Variants in BICRA observed in about 807,000 individuals in gnomAD.
BICRA encodes BRD4-interacting chromatin-remodeling complex-associated protein.
In BICRA, 31 loss-of-function variants were observed where a neutral mutation model predicts 96.9. The ratio of observed to expected loss-of-function variants is 0.32; its 90% CI spans 0.24 to 0.43. The LOEUF is 0.43. Among genes scored for constraint, BICRA ranks in the 20% least tolerant of loss-of-function variants. The pLI, the probability that BICRA is intolerant of heterozygous loss-of-function variation, is 1.00. For synonymous variants in BICRA, 1,350 were observed against 1,071.8 expected, an observed-to-expected ratio of 1.26 and a Z score of -5.07; for missense variants, 2,283 against 2,190.3, an observed-to-expected ratio of 1.04 and a Z score of -0.84.
At chr19:47,688,564 G>A (rs1232675846) in intron 7 of BICRA, among the ~76,000 whole-genome samples, 1 of 152,062 alleles carries the variant, frequency 6.6e-6, no homozygotes, top group Non-Finnish European at 1.5e-5. Context: ...GCCGAGTTGG[G>A]TGGATCACGA....
intron 1 of BICRA, among the ~76,000 whole-genome samples, chr19:47,653,827 C>T (rs773821369): frequency 1.3e-5 from 2 of 152,078 alleles, no homozygotes; most frequent in Non-Finnish European, 2.9e-5. Context: ...CACAGGCCAG[C>T]CTTTGTTTTG....
chr19:47,697,112 T>C (rs556605353), intron 11 of BICRA, among the ~76,000 whole-genome samples: 2 of 152,152 alleles, frequency 1.3e-5, no homozygotes, highest in South Asian at 4.2e-4. Context: ...GTTCATGTGA[T>C]TCTCCTGCCC....
In BICRA at chr19:47,680,539, A is replaced by G. The variant is rs537178919; in HGVS notation, c.1369A>G (p.Ser457Gly). The G allele has an allele frequency of 2.6e-6, 4 of 1,565,238 alleles. No homozygotes were observed. In the Admixed American group the frequency reaches 7.6e-5, roughly 30 times the overall value. Residue 457 changes from serine (S) to glycine (G), a missense_variant, in exon 6 of 15, where the codon AGC (serine) becomes GGC (glycine). By Grantham distance (56) the Ser-to-Gly change is moderately conservative. Coordinates refer to ENST00000594866, the MANE Select transcript of BICRA (RefSeq NM_001394372.1). The stretch of plus-strand genomic sequence containing the variant: ...CGTCCACCTCCTGAACCAAGGCAGC[A>G]GCATCGTCATCCCCGCCCAGCACAT... Reference protein sequence around the residue: ...MSVHLLNQGSSIVIPAQHMLP... With the variant: ...MSVHLLNQGSGIVIPAQHMLP...
intron 1 of BICRA, among the ~76,000 whole-genome samples, chr19:47,656,677 G>A (rs147655944): frequency 5.3e-5 from 8 of 152,196 alleles, no homozygotes; most frequent in African/African-American, 1.7e-4. Flanking sequence ...ACTGAAGCGC[G>A]CAGCTTGATG....
At chr19:47,663,060 C>T (rs1481419258) in intron 1 of BICRA, 1 of 152,204 alleles carries the variant, frequency 6.6e-6, no homozygotes, top group African/African-American at 2.4e-5. Flanking sequence ...TAAGGATTAA[C>T]AAGTTTGGAG....
At position 47,624,848 on chromosome 19, in the gene BICRA, C is replaced by G. The variant is rs148957128; in HGVS notation, c.-108+15680C>G. Reference sequence around the variant, plus strand: ...AGTTGGGACCGCAGGCATGTGCCACCATACCTGGCTGATTTTTTAAGTTTT... The same window carrying G: ...AGTTGGGACCGCAGGCATGTGCCACGATACCTGGCTGATTTTTTAAGTTTT... On this transcript the variant is annotated intron_variant, in intron 1 of 14. Coordinates refer to ENST00000594866, the MANE Select transcript of BICRA (RefSeq NM_001394372.1). Among the ~76,000 whole-genome samples the G allele has an allele frequency of 1.7e-3, 266 of 152,150 alleles. 3 individuals are homozygous for G. The highest frequency in any genetic ancestry group is 3.4e-3 in the Middle Eastern group (1 of 294).
chr19:47,617,502 T>TA (rs1220002941), intron 1 of BICRA, among the ~76,000 whole-genome samples: 3 of 152,030 alleles, frequency 2.0e-5, no homozygotes, highest in Admixed American at 6.6e-5. Flanking sequence ...TAGCTGGAAT[T>TA]ACAGGTGCCT....
chr19:47,695,096 C>T lies in BICRA; in HGVS notation c.3076+16C>T. 1 of 1,478,242 alleles carries T rather than the reference C, an allele frequency of 6.8e-7. No homozygotes were observed. Among genetic ancestry groups the T allele is most frequent in the Non-Finnish European group, 8.9e-7 (1 of 1,118,266 alleles). The allele number at this position is 1,478,242 out of a possible 1,614,324, so 91.6% of individuals were successfully genotyped here. A position where few individuals can be genotyped will look rare whatever the true frequency, so the allele number is the denominator to read the frequency against. On this transcript the variant is annotated intron_variant, in intron 9 of 14. Transcript: ENST00000594866. Reference sequence around the variant, plus strand: ...GCCGCCACAGGTAGGAGAGAGGTCGCCTATGTGCCCAGGGAGACGGGGCCT... The same window carrying T: ...GCCGCCACAGGTAGGAGAGAGGTCGTCTATGTGCCCAGGGAGACGGGGCCT...
chr19:47,676,059 C>T (rs1972935914), intron 5 of BICRA, 143 bp downstream of exon 5: 1 of 617,126 alleles, frequency 1.6e-6, no homozygotes, highest in Non-Finnish European at 2.9e-6. Flanking sequence ...CCCAGGGTGG[C>T]TGGACCACCC....
Position 47,699,417 on chromosome 19 carries a change from G to A in BICRA, c.3595+12G>A. The A allele has an allele frequency of 6.9e-7, 1 of 1,455,816 alleles. No individual in the cohort carries two copies. Among genetic ancestry groups the A allele is most frequent in the African/African-American group, 1.4e-5 (1 of 71,258 alleles). The allele number at this position is 1,455,816 out of a possible 1,614,324, so 90.2% of individuals were successfully genotyped here. On this transcript the variant is annotated intron_variant, in intron 14 of 14. Coordinates refer to ENST00000594866, the MANE Select transcript of BICRA (RefSeq NM_001394372.1). This position sits in a 1 kb window ranked among gnomAD's most constrained non-coding sequence, Gnocchi z 5.0. ...CAAGGAGAAGCCGGGTGAGAGGGGG[G>A]AGTGAGAGGGGAGGGGAGGGAGAGG...
chr19:47,629,595 C>T (rs920952174), intron 1 of BICRA, among the ~76,000 whole-genome samples: 3 of 152,232 alleles, frequency 2.0e-5, no homozygotes, highest in Non-Finnish European at 4.4e-5. Context: ...ACATGAGTTG[C>T]TTACTCCTCT....
chr19:47,699,141 G>T lies in BICRA; in HGVS notation c.3492+82G>T. 1 of 1,088,200 alleles carries T rather than the reference G, an allele frequency of 9.2e-7. No individual in the cohort carries two copies. Among genetic ancestry groups the T allele is most frequent in the Non-Finnish European group, 1.4e-6 (1 of 729,700 alleles). The allele number at this position is 1,088,200 out of a possible 1,614,324, so 67.4% of individuals were successfully genotyped here. On this transcript the variant is annotated intron_variant, in intron 13 of 14. Coordinates refer to ENST00000594866, the MANE Select transcript of BICRA (RefSeq NM_001394372.1). The surrounding 1 kb of genome is among the most constrained non-coding windows in gnomAD (Gnocchi z 5.0). ...CTTTCCCTCACCCGCTCTGGGCAAG[G>T]TGGAGCCTCCCGCCCCTCCTAGCCC... is the stretch of plus-strand genomic sequence containing the variant.
At chr19:47,674,275 A>T (rs1005721669) in intron 4 of BICRA, among the ~76,000 whole-genome samples, 5 of 114,344 alleles carry the variant, frequency 4.4e-5, no homozygotes, top group African/African-American at 1.4e-4. Flanking sequence ...AGGGAAAACT[A>T]GTAGGAGGTG....
rs1450982920 is a variant in BICRA at position 47,680,773 on chromosome 19, G to A, written c.1603G>A (p.Gly535Arg). The change falls in exon 6 of 15, where the codon GGG (glycine) becomes AGG (arginine). Residue 535 changes from glycine to arginine, a missense_variant. By Grantham distance (125) the Gly-to-Arg change is moderately radical. Coordinates refer to ENST00000594866, the MANE Select transcript of BICRA (RefSeq NM_001394372.1). ...SLGPVLAPHS[G>R]AHSAHILSAA... ...GGGCCCCGTGTTGGCCCCCCACTCC[G>A]GGGCCCACAGCGCGCACATCCTCTC... is the stretch of plus-strand genomic sequence containing the variant. 4 of 1,609,972 alleles carry A rather than the reference G, an allele frequency of 2.5e-6. No individual in the cohort carries two copies. The highest frequency in any genetic ancestry group is 3.4e-6 in the Non-Finnish European group (4 of 1,178,860).
chr19:47,668,441 G>A (rs534579664), intron 1 of BICRA, among the ~76,000 whole-genome samples: 6 of 150,602 alleles, frequency 4.0e-5, no homozygotes, highest in South Asian at 2.1e-4. Flanking sequence ...AAGCAGTGTC[G>A]TTTTTGCAAT....
At chr19:47,645,754 C>T (rs2123541247) in intron 1 of BICRA, among the ~76,000 whole-genome samples, 1 of 152,280 alleles carries the variant, frequency 6.6e-6, no homozygotes, top group Middle Eastern at 3.4e-3. Flanking sequence ...TCCTCTTGCC[C>T]TCAGGCATTC....
chr19:47,672,753 T>TA (rs1972885968), intron 2 of BICRA, among the ~76,000 whole-genome samples: 1 of 151,920 alleles, frequency 6.6e-6, no homozygotes, highest in South Asian at 2.1e-4. Context: ...AACGATCCCT[T>TA]CCCTATGGGG....
At position 47,701,644 on chromosome 19, in the gene BICRA, C is replaced by T; in HGVS notation, c.3912C>T (p.Ser1304=). The T allele has an allele frequency of 1.3e-6, 2 of 1,593,748 alleles. No individual in the cohort carries two copies. The highest frequency in any genetic ancestry group is 2.3e-5 in the East Asian group (1 of 43,776). ...RPPIKTYEAR[S]RIGLKLKIKQ... Reference sequence around the variant, plus strand: ...CCATCAAGACCTACGAGGCCCGGAGCCGCATCGGGCTCAAGCTCAAGATCA... The same window carrying T: ...CCATCAAGACCTACGAGGCCCGGAGTCGCATCGGGCTCAAGCTCAAGATCA... Residue 1304 remains serine, a synonymous_variant, in exon 15 of 15, where the codon AGC becomes AGT. Transcript: ENST00000594866. The surrounding 1 kb of genome is among the most constrained non-coding windows in gnomAD (Gnocchi z 5.4).
chr19:47,640,890 G>A (rs1972374341), intron 1 of BICRA, among the ~76,000 whole-genome samples: 1 of 139,056 alleles, frequency 7.2e-6, no homozygotes, highest in South Asian at 2.3e-4. Context: ...TGGAGTCAGA[G>A]TCAGATTTTT....
Sources: gnomAD v4.1 joint callset for allele counts (sites outside exome capture counted in the v4.1 genomes callset) on GRCh38, gnomAD v4.1.1 for gene constraint, Gnocchi (gnomAD v3.1) non-coding constraint, MANE v1.5 for transcripts, NCBI Gene and HGNC (gene_info 2026-07-23, HGNC 2026-07-21) for gene names.